PRKCH: variants seen among roughly 807,000 people sequenced by gnomAD.
PRKCH encodes the protein protein kinase C eta type.
A neutral mutation model predicts 82.5 loss-of-function variants in PRKCH; 28 were observed. The observed-to-expected ratio is 0.34, with a 90% CI of 0.25 to 0.47. The LOEUF is 0.47. Ranked by LOEUF, PRKCH falls within the 20% of genes least tolerant of loss-of-function variation. The pLI, the probability that PRKCH is intolerant of heterozygous loss-of-function variation, is 1.00. For missense variants in PRKCH, 705 were observed against 881.8 expected (o/e 0.80, Z 2.54); for synonymous variants, 322 against 327.4 (o/e 0.98, Z 0.18).
intron 12 of PRKCH, chr14:61,543,608 C>G (rs1338498901): frequency 6.6e-6 from 1 of 152,160 alleles, no homozygotes; most frequent in Non-Finnish European, 1.5e-5. Context: ...CCTCTTTGGC[C>G]GACTTTCCCT....
At chr14:61,207,487 A>G (rs1366198369) in intron 1 of PRKCH, among the ~76,000 whole-genome samples, 1 of 152,062 alleles carries the variant, frequency 6.6e-6, no homozygotes, top group African/African-American at 2.4e-5. Flanking sequence ...CATACCACCC[A>G]ATTCCCTAGG....
chr14:61,406,309 G>GTTACAGTTTTTGCGTTAAGGGTCAGC (rs1206849487), intron 2 of PRKCH, among the ~76,000 whole-genome samples: 1 of 152,250 alleles, frequency 6.6e-6, no homozygotes, highest in Non-Finnish European at 1.5e-5. Flanking sequence ...CAAGGGTCAG[G>GTTACAGTTTTTGCGTTAAGGGTCAGC]TTACAGTTTT....
At chr14:61,513,460 A>G (rs2042777524) in intron 10 of PRKCH, among the ~76,000 whole-genome samples, 1 of 152,170 alleles carries the variant, frequency 6.6e-6, no homozygotes, top group South Asian at 2.1e-4. Context: ...GAAGGGATGC[A>G]GAGGCTTTGG....
At chr14:61,309,074 T>C (rs8016698) in intron 1 of PRKCH, among the ~76,000 whole-genome samples, 144,854 of 151,436 alleles carry the variant, frequency 0.96, 69,653 homozygotes, top group East Asian at 1. Context: ...ACTTAATATC[T>C]GGAGTTCAAG....
At chr14:61,500,890 C>G (rs1332127400) in intron 10 of PRKCH, among the ~76,000 whole-genome samples, 2 of 152,046 alleles carry the variant, frequency 1.3e-5, no homozygotes, top group Admixed American at 6.5e-5. Context: ...TTCAAATGGT[C>G]CATCTCAAAG....
Position 61,547,815 on chromosome 14 carries a change from C to T in PRKCH, c.1834C>T (p.Pro612Ser), listed in dbSNP as rs34159231. ...AGGCGAGCACGCCATCTTGAGACAT[C>T]CTTTTTTTAAGGAAATCGACTGGGC... ...QGGEHAILRH[P>S]FFKEIDWAQL... The change falls in exon 13 of 14, where the codon CCT (proline) becomes TCT (serine). Residue 612 changes from proline to serine, a missense_variant. Around this residue, in one of 5 missense-constraint regions of PRKCH, gnomAD observed 115 missense variants for 193.8 expected, o/e 0.59. Transcript: ENST00000332981. The T allele has an allele frequency of 7.3e-4, 1,171 of 1,614,202 alleles. 2 individuals carry two copies. Among genetic ancestry groups the T allele is most frequent in the Non-Finnish European group, 6.2e-4 (732 of 1,180,032 alleles).
intron 5 of PRKCH, 86 bp from the exon 6 acceptor site, chr14:61,450,756 T>A (rs1321271121): frequency 1.3e-6 from 2 of 1,495,910 alleles, no homozygotes; most frequent in Non-Finnish European, 1.8e-6. Flanking sequence ...AGTGACACTT[T>A]GCATTTGATG....
At chr14:61,263,393 A>C (rs2045067915) in intron 1 of PRKCH, among the ~76,000 whole-genome samples, 1 of 152,180 alleles carries the variant, frequency 6.6e-6, no homozygotes, top group Admixed American at 6.6e-5. Context: ...CATTTATGTT[A>C]TTGTGTGTTT....
At chr14:61,360,115 G>A (rs1439447246) in intron 1 of PRKCH, among the ~76,000 whole-genome samples, 1 of 152,194 alleles carries the variant, frequency 6.6e-6, no homozygotes, top group Admixed American at 6.5e-5. Context: ...ATGTTATATT[G>A]TCTGTCTGGA....
At chr14:61,510,448 C>T (rs537280922) in intron 10 of PRKCH, among the ~76,000 whole-genome samples, 6 of 151,552 alleles carry the variant, frequency 4.0e-5, no homozygotes, top group Admixed American at 2.0e-4. Flanking sequence ...CGATTCACAT[C>T]GAAGGGAGTC....
rs368147994 is a variant in PRKCH, at chr14:61,444,893, G to A, written c.579-799G>A. Among the ~76,000 whole-genome samples the A allele has an allele frequency of 5.9e-5, 9 of 152,272 alleles. No homozygotes were observed. The East Asian group carries it at 1.3e-3, about 23-fold the overall frequency. The stretch of plus-strand genomic sequence containing the variant: ...CATTAGAGCCCTGTGCAGTAGGAAC[G>A]GTTATCATTAGTCCCTTTTATGGAT... On this transcript the variant is annotated intron_variant, in intron 3 of 13. Coordinates refer to ENST00000332981, the MANE Select transcript of PRKCH (RefSeq NM_006255.5).
chr14:61,428,112 C>CATATATATATTAT (rs1883218795), intron 2 of PRKCH, among the ~76,000 whole-genome samples: 2 of 145,524 alleles, frequency 1.4e-5, no homozygotes, highest in African/African-American at 5.3e-5. Context: ...TATATACACA[C>CATATATATATTAT]ATATATATAT....
At chr14:61,327,811 T>G (rs1188366502) in intron 1 of PRKCH, among the ~76,000 whole-genome samples, 1 of 152,270 alleles carries the variant, frequency 6.6e-6, no homozygotes, top group Non-Finnish European at 1.5e-5. Context: ...TGAAATTTTA[T>G]GTGATTGGGG....
chr14:61,459,229 A>G (rs1884921516), intron 9 of PRKCH, among the ~76,000 whole-genome samples: 1 of 152,210 alleles, frequency 6.6e-6, no homozygotes, highest in Admixed American at 6.5e-5. Flanking sequence ...CTGTGCCACC[A>G]TCAAGGAAGT....
intron 10 of PRKCH, among the ~76,000 whole-genome samples, chr14:61,526,577 A>G (rs1228599356): frequency 6.6e-6 from 1 of 152,238 alleles, no homozygotes. Flanking sequence ...CAGTCATGCC[A>G]GTTCTGTCAT....
chr14:61,293,937 C>T (rs1001185309), intron 1 of PRKCH, among the ~76,000 whole-genome samples: 13 of 152,068 alleles, frequency 8.5e-5, no homozygotes, highest in African/African-American at 1.4e-4. Context: ...TTCCATGTTC[C>T]GAGGTGGCCA....
chr14:61,534,306 G>A (rs1389132884), intron 12 of PRKCH, among the ~76,000 whole-genome samples: 1 of 152,228 alleles, frequency 6.6e-6, no homozygotes, highest in African/African-American at 2.4e-5. Context: ...GAAGGTGGAA[G>A]CAACCCATGT....
intron 1 of PRKCH, among the ~76,000 whole-genome samples, chr14:61,343,045 A>G (rs565909681): frequency 7.9e-5 from 12 of 152,310 alleles, no homozygotes; most frequent in African/African-American, 1.4e-4. Context: ...GGTTTTACCA[A>G]TTCGTCTCAC....
At chr14:61,331,280 G>A (rs1246408088) in intron 1 of PRKCH, among the ~76,000 whole-genome samples, 2 of 152,116 alleles carry the variant, frequency 1.3e-5, no homozygotes, top group East Asian at 3.8e-4. Context: ...TTCAGAGAAA[G>A]CTAGCTTACT....
Sources: gnomAD v4.1 joint callset for allele counts (sites outside exome capture counted in the v4.1 genomes callset) on GRCh38, gnomAD v4.1.1 for gene constraint, gnomAD v4.1.1 regional missense constraint, MANE v1.5 for transcripts, NCBI Gene and HGNC (gene_info 2026-07-23, HGNC 2026-07-21) for gene names.